TMEM135: variants seen among roughly 807,000 people sequenced by gnomAD.
TMEM135 encodes transmembrane protein 135.
A neutral mutation model predicts 60.3 loss-of-function variants in TMEM135; 30 were observed. The ratio of observed to expected loss-of-function variants is 0.50; its 90% CI spans 0.37 to 0.68. TMEM135 has a LOEUF of 0.68. Ranked by LOEUF, TMEM135 falls within the 30% of genes least tolerant of loss-of-function variation. The pLI is 0.00. For missense variants in TMEM135, 468 were observed against 548.8 expected (o/e 0.85, Z 1.47); for synonymous variants, 190 against 186.7 (o/e 1.02, Z -0.14).
At position 87,328,428 on chromosome 11, in the gene TMEM135, G is replaced by A; in HGVS notation, c.*7095G>A. ...GGTTGCATGGATGAATTGTATATTG[G>A]TGAAGTCTGAAATTTTAGTGCACCT... On this transcript the variant is annotated 3_prime_UTR_variant, in exon 15 of 15. Transcript: ENST00000305494. 1 of 454,052 alleles carries A rather than the reference G, an allele frequency of 2.2e-6. No individual in the cohort carries two copies. The highest frequency in any genetic ancestry group is 4.4e-6 in the Non-Finnish European group (1 of 226,778). 28.1% of individuals were successfully genotyped at this position (454,052 alleles called of 1,614,324 possible).
chr11:87,084,313 C>CT (rs5793234), intron 3 of TMEM135, among the ~76,000 whole-genome samples: 131 of 146,156 alleles, frequency 9.0e-4, no homozygotes, highest in Admixed American at 2.8e-3. Flanking sequence ...AGCAGTGGTT[C>CT]TTTTTTTTTT....
chr11:87,198,306 G>A (rs2135326668), intron 5 of TMEM135, among the ~76,000 whole-genome samples: 1 of 152,190 alleles, frequency 6.6e-6, no homozygotes, highest in Admixed American at 6.5e-5. Context: ...ACCTCTTTCA[G>A]ATCTGTTGTT....
intron 5 of TMEM135, among the ~76,000 whole-genome samples, chr11:87,173,145 C>T (rs1487430874): frequency 6.6e-6 from 1 of 152,044 alleles, no homozygotes; most frequent in East Asian, 1.9e-4. Context: ...TGCTTCCCTT[C>T]TAGCACTACC....
chr11:87,147,698 A>G (rs1193715664), intron 4 of TMEM135, among the ~76,000 whole-genome samples: 2 of 152,158 alleles, frequency 1.3e-5, no homozygotes, highest in African/African-American at 4.8e-5. Context: ...CATTTATTAC[A>G]TCTAGGTTTT....
chr11:87,093,124 C>T (rs1310500836), intron 4 of TMEM135, among the ~76,000 whole-genome samples: 1 of 152,156 alleles, frequency 6.6e-6, no homozygotes, highest in Non-Finnish European at 1.5e-5. Flanking sequence ...CACTCTTTAA[C>T]ATTTTCCTAC....
chr11:87,243,451 C>T (rs1941187515), intron 6 of TMEM135, among the ~76,000 whole-genome samples: 1 of 125,122 alleles, frequency 8.0e-6, no homozygotes, highest in Admixed American at 7.9e-5. Flanking sequence ...GGCAGTATGG[C>T]CATTTTCACG....
At chr11:87,126,507 T>G (rs1219177846) in intron 4 of TMEM135, among the ~76,000 whole-genome samples, 3 of 151,888 alleles carry the variant, frequency 2.0e-5, no homozygotes, top group African/African-American at 7.2e-5. Flanking sequence ...TTTAGTATAC[T>G]GTGTTCTTTT....
At chr11:87,256,001 A>G (rs371494147) in intron 6 of TMEM135, among the ~76,000 whole-genome samples, 4 of 152,220 alleles carry the variant, frequency 2.6e-5, no homozygotes, top group East Asian at 3.8e-4. Flanking sequence ...CTTTATAATG[A>G]AATACATTGA....
At chr11:87,261,190 CT>C (rs955279311) in intron 6 of TMEM135, among the ~76,000 whole-genome samples, 10 of 152,118 alleles carry the variant, frequency 6.6e-5, no homozygotes, top group African/African-American at 2.4e-4. Flanking sequence ...CATATAATTA[CT>C]TTAGAAGGTC....
At chr11:87,275,321 A>C (rs1941948776) in intron 6 of TMEM135, among the ~76,000 whole-genome samples, 1 of 152,144 alleles carries the variant, frequency 6.6e-6, no homozygotes, top group South Asian at 2.1e-4. Context: ...CATGAAGTCA[A>C]AAGTAAATTC....
At chr11:87,046,884 G>C (rs1289777874) in intron 1 of TMEM135, among the ~76,000 whole-genome samples, 1 of 152,148 alleles carries the variant, frequency 6.6e-6, no homozygotes, top group Admixed American at 6.6e-5. Flanking sequence ...GAAGAGCATG[G>C]ACTTGAATCT....
chr11:87,279,832 C>T (rs1406033859), intron 6 of TMEM135, among the ~76,000 whole-genome samples: 3 of 152,128 alleles, frequency 2.0e-5, no homozygotes, highest in African/African-American at 4.8e-5. Context: ...ATATCTAGAA[C>T]GACATTATAG....
chr11:87,250,780 A>G (rs1216898450), intron 6 of TMEM135, among the ~76,000 whole-genome samples: 1 of 152,232 alleles, frequency 6.6e-6, no homozygotes, highest in Non-Finnish European at 1.5e-5. Flanking sequence ...TTTAGAGGTT[A>G]AAAGTTGTAT....
chr11:87,083,328 T>C (rs1006418271), intron 3 of TMEM135, among the ~76,000 whole-genome samples: 1 of 152,196 alleles, frequency 6.6e-6, no homozygotes, highest in African/African-American at 2.4e-5. Flanking sequence ...GTCTTCTTTT[T>C]CTTTTTCTAG....
At chr11:87,256,835 C>T (rs1316481866) in intron 6 of TMEM135, among the ~76,000 whole-genome samples, 2 of 151,832 alleles carry the variant, frequency 1.3e-5, no homozygotes, top group Non-Finnish European at 2.9e-5. Flanking sequence ...TCCTGCTTGC[C>T]CTCACTCTTC....
At chr11:87,086,677 G>T (rs969258166) in intron 3 of TMEM135, among the ~76,000 whole-genome samples, 1 of 152,180 alleles carries the variant, frequency 6.6e-6, no homozygotes, top group Non-Finnish European at 1.5e-5. Flanking sequence ...TCAAAGGTGG[G>T]CATGACAGCA....
At position 87,295,809 on chromosome 11, in the gene TMEM135, A is replaced by G. The variant is rs766625552; in HGVS notation, c.537A>G (p.Thr179=). 6.2e-7 allele frequency: 1 copy of G among 1,608,126 alleles called. No homozygotes were observed. The highest frequency in any genetic ancestry group is 1.7e-5 in the Admixed American group (1 of 59,852). The change falls in exon 7 of 15, where the codon ACA becomes ACG. Residue 179 remains threonine (T), a synonymous_variant. Transcript: ENST00000305494. ...GCAAGGATGGCTTGAAAGGATTTAC[A>G]TTTTCTGCACTTAGGTAAGAAACAT... ...FRCKDGLKGF[T]FSALRFIVGK...
chr11:87,068,319 C>T (rs894391979), intron 2 of TMEM135, among the ~76,000 whole-genome samples: 3 of 152,172 alleles, frequency 2.0e-5, no homozygotes, highest in African/African-American at 4.8e-5. Context: ...CATCTTTATA[C>T]ATTGTAGAGA....
rs565598298 is a variant in TMEM135, at chr11:87,184,529, A to G, written c.462+27123A>G. ...AATTTTAGAACTGCTTAGCTCATAT[A>G]GTAAATGAAGGAGTTTCTAGTGGCA... On this transcript the variant is annotated intron_variant, in intron 5 of 14. Transcript: ENST00000305494. Among the ~76,000 whole-genome samples, 73 of 152,310 alleles carry G rather than the reference A, an allele frequency of 4.8e-4. 1 individual carries two copies. In the South Asian group the frequency reaches 0.015, roughly 31 times the overall value.
Sources: allele counts gnomAD v4.1 joint callset (sites outside exome capture counted in the v4.1 genomes callset), GRCh38; gene constraint gnomAD v4.1.1; transcripts MANE v1.5; gene names NCBI Gene and HGNC (gene_info 2026-07-23, HGNC 2026-07-21).